COL4A4: variants seen among roughly 807,000 people sequenced by gnomAD.
COL4A4 encodes the protein collagen type IV alpha 4 chain.
In COL4A4, 105 loss-of-function variants were observed where a neutral mutation model predicts 192.9. That is an observed-to-expected ratio of 0.54 (90% CI 0.46 to 0.64). The LOEUF is 0.64. COL4A4 is among the 30% of genes least tolerant of loss of function. The pLI, the probability that COL4A4 is intolerant of heterozygous loss-of-function variation, is 0.00. For missense variants in COL4A4, 1,967 were observed against 2,169.3 expected, an observed-to-expected ratio of 0.91 and a Z score of 1.85; for synonymous variants, 762 against 769.9, an observed-to-expected ratio of 0.99 and a Z score of 0.17.
chr2:227,036,491 C>T (rs539495975), intron 37 of COL4A4, among the ~76,000 whole-genome samples: 10 of 152,252 alleles, frequency 6.6e-5, no homozygotes, highest in African/African-American at 1.9e-4. Flanking sequence ...CAGCTGCTCA[C>T]CCTAACTTCA....
At position 227,004,856 on chromosome 2, in the gene COL4A4, G is replaced by A. The variant is rs941813671; in HGVS notation, c.*2469C>T. The A allele has an allele frequency of 5.2e-5, 8 of 152,382 alleles. No homozygotes were observed. Among genetic ancestry groups the A allele is most frequent in the African/African-American group, 1.9e-4 (8 of 41,554 alleles). 9.4% of individuals were successfully genotyped at this position (152,382 alleles called of 1,614,324 possible). ...TAGGCACGTTCCAGTCTACAAGGTT[G>A]GTGGGGAGGCAGGGAGAGAAGGGTT... On this transcript the variant is annotated 3_prime_UTR_variant, in exon 48 of 48. Transcript: ENST00000396625.
chr2:227,072,545 A>G (rs2058783205), intron 25 of COL4A4, among the ~76,000 whole-genome samples: 1 of 151,890 alleles, frequency 6.6e-6, no homozygotes, highest in African/African-American at 2.4e-5. Context: ...TCCTCCCTAA[A>G]TCATTCTATT....
the COL4A4 span, among the ~76,000 whole-genome samples, chr2:226,983,914 G>T: frequency 6.6e-6 from 1 of 152,178 alleles, no homozygotes; most frequent in Admixed American, 6.5e-5. Context: ...CTGAACAGAA[G>T]ATTTGAGAGC....
chr2:227,116,625 A>G (rs959996982), intron 7 of COL4A4, among the ~76,000 whole-genome samples: 1 of 152,264 alleles, frequency 6.6e-6, no homozygotes, highest in Non-Finnish European at 1.5e-5. Context: ...CAAATAAAAC[A>G]TAAGTGGAGT....
intron 35 of COL4A4, among the ~76,000 whole-genome samples, chr2:227,045,525 T>C (rs1972310434): frequency 6.6e-6 from 1 of 151,804 alleles, no homozygotes; most frequent in South Asian, 2.1e-4. Flanking sequence ...ATCCAAGCAG[T>C]TTGGGAAGCC....
intron 8 of COL4A4, 51 bp downstream of exon 8, chr2:227,114,577 T>C: frequency 7.2e-7 from 1 of 1,393,242 alleles, no homozygotes; most frequent in Admixed American, 1.7e-5. Context: ...TGCATGGGCT[T>C]ACCTATTTGG....
At position 227,077,963 on chromosome 2, in the gene COL4A4, C is replaced by A; in HGVS notation, c.1918G>T (p.Glu640Ter). 1 of 1,613,848 alleles carries A rather than the reference C, an allele frequency of 6.2e-7. No individual in the cohort carries two copies. The highest frequency in any genetic ancestry group is 8.5e-7 in the Non-Finnish European group (1 of 1,180,008). ...CCTGGAACTCCTGGGTGGCCTCGCT[C>A]TCCTGGTGGACCAGGAAATCCCAGT... Reference protein sequence around the residue: ...PGLGFPGPPGERGHPGVPGHP... With the variant: ...PGLGFPGPPG Residue 640 changes from glutamate (E) to a stop codon, truncating the protein, a stop_gained, in exon 25 of 48, where the codon GAG (glutamate) becomes TAG (stop). Transcript: ENST00000396625. LOFTEE classifies it high-confidence loss of function.
chr2:227,130,530 C>T (rs2062383274), intron 4 of COL4A4, among the ~76,000 whole-genome samples: 1 of 152,202 alleles, frequency 6.6e-6, no homozygotes, highest in Non-Finnish European at 1.5e-5. Context: ...TTTGCTCCCA[C>T]CTGTGTCTTG....
intron 30 of COL4A4, 40 bp from the exon 31 acceptor site, chr2:227,054,777 A>G: frequency 6.3e-7 from 1 of 1,580,068 alleles, no homozygotes. Flanking sequence ...AAAATATTTT[A>G]TTTGTTATTT....
chr2:227,046,693 C>G (rs1285178807), intron 35 of COL4A4, among the ~76,000 whole-genome samples: 2 of 152,034 alleles, frequency 1.3e-5, no homozygotes, highest in African/African-American at 4.8e-5. Flanking sequence ...AACATTCTGT[C>G]CTAAGGCTGC....
At position 227,144,500 on chromosome 2, in the gene COL4A4, T is replaced by C; in HGVS notation, c.114+16A>G. On this transcript the variant is annotated intron_variant, in intron 3 of 47. Coordinates refer to ENST00000396625, the MANE Select transcript of COL4A4 (RefSeq NM_000092.5). ...TGAATTTTCACAACGCAACCAGAGCTAGTGAATGTACTTACCCCATATACA... is the reference window on the plus strand; with the variant it reads ...TGAATTTTCACAACGCAACCAGAGCCAGTGAATGTACTTACCCCATATACA... 1 of 1,604,184 alleles carries C rather than the reference T, an allele frequency of 6.2e-7. No individual in the cohort carries two copies. Among genetic ancestry groups the C allele is most frequent in the East Asian group, 2.2e-5 (1 of 44,752 alleles).
chr2:227,082,092 G>A, intron 23 of COL4A4, 23 bp downstream of exon 23: 2 of 1,606,100 alleles, frequency 1.2e-6, no homozygotes, highest in Non-Finnish European at 1.7e-6. Context: ...ATGGCAGGGA[G>A]TTAAGTGATT....
At chr2:227,010,203 A>G in intron 46 of COL4A4, 110 bp downstream of exon 46, 1 of 1,149,638 alleles carries the variant, frequency 8.7e-7, no homozygotes, top group Non-Finnish European at 1.3e-6. Context: ...TTTAAAAGTA[A>G]GAATAATCCC....
intron 16 of COL4A4, 35 bp downstream of exon 16, chr2:227,101,830 A>G: frequency 6.8e-7 from 1 of 1,471,000 alleles, no homozygotes; most frequent in South Asian, 1.2e-5. Flanking sequence ...TACTAATGAA[A>G]TGTATTTATT....
At chr2:227,037,260 A>G (rs201920618) in intron 37 of COL4A4, among the ~76,000 whole-genome samples, 2 of 152,094 alleles carry the variant, frequency 1.3e-5, no homozygotes, top group East Asian at 3.9e-4. Flanking sequence ...GACAGGCCCC[A>G]GTGTGTGATA....
intron 31 of COL4A4, among the ~76,000 whole-genome samples, chr2:227,052,687 A>C (rs1974380885): frequency 6.7e-6 from 1 of 150,364 alleles, no homozygotes; most frequent in Admixed American, 6.7e-5. Context: ...CGGGGTCTTC[A>C]CTGAGGTTAA....
intron 25 of COL4A4, among the ~76,000 whole-genome samples, chr2:227,067,590 A>T (rs1230027616): frequency 6.6e-6 from 1 of 152,178 alleles, no homozygotes; most frequent in Non-Finnish European, 1.5e-5. Context: ...ACTACATGGA[A>T]ACTGAACAAC....
At position 227,051,038 on chromosome 2, in the gene COL4A4, C is replaced by A. The variant is rs772699709; in HGVS notation, c.3089G>T (p.Gly1030Val). Reference protein sequence around the residue: ...KGQPGPPGPPGPPGSTGLRGF... With the variant: ...KGQPGPPGPPVPPGSTGLRGF... ...TCTTAGACCAGTTGAGCCTGGAGGG[C>A]CTGGGGGTCCAGGAGGCCCTGGCTG... The change falls in exon 33 of 48, where the codon GGC (glycine) becomes GTC (valine). Residue 1030 changes from glycine (G) to valine (V), a missense_variant. By Grantham distance (109) the Gly-to-Val change is moderately radical. Coordinates refer to ENST00000396625, the MANE Select transcript of COL4A4 (RefSeq NM_000092.5). The A allele has an allele frequency of 6.2e-7, 1 of 1,614,186 alleles. No individual in the cohort carries two copies. The highest frequency in any genetic ancestry group is 8.5e-7 in the Non-Finnish European group (1 of 1,180,026).
chr2:227,097,053 T>C (rs2060241824), intron 19 of COL4A4, among the ~76,000 whole-genome samples: 1 of 152,232 alleles, frequency 6.6e-6, no homozygotes, highest in African/African-American at 2.4e-5. Context: ...TGAGCTCCTG[T>C]GGATTTGGCT....
Sources: allele counts gnomAD v4.1 joint callset (sites outside exome capture counted in the v4.1 genomes callset), GRCh38; gene constraint gnomAD v4.1.1; transcripts MANE v1.5; gene names NCBI Gene and HGNC (gene_info 2026-07-23, HGNC 2026-07-21).